ODAD2: variants seen among roughly 807,000 people sequenced by gnomAD.
ODAD2 encodes outer dynein arm docking complex subunit 2, also known as outer dynein arm-docking complex subunit 2.
In ODAD2, 89 loss-of-function variants were observed where a neutral mutation model predicts 106.8. That is an observed-to-expected ratio of 0.83 (90% CI 0.70 to 0.99). The LOEUF is 0.99. Ranked by LOEUF, ODAD2 falls within the 50% of genes least tolerant of loss-of-function variation. ODAD2 has a pLI of 0.00. For missense variants in ODAD2, 1,168 were observed against 1,238.5 expected (o/e 0.94, Z 0.85); for synonymous variants, 404 against 436.2 (o/e 0.93, Z 0.92).
At chr10:27,825,668 G>C (rs1464072083) in intron 19 of ODAD2, among the ~76,000 whole-genome samples, 1 of 152,218 alleles carries the variant, frequency 6.6e-6, no homozygotes, top group East Asian at 1.9e-4. Context: ...ATCTAGGTCA[G>C]CTCCACATAG....
chr10:27,815,937 A>AT (rs1374837955), intron 19 of ODAD2, among the ~76,000 whole-genome samples: 1 of 152,134 alleles, frequency 6.6e-6, no homozygotes, highest in Non-Finnish European at 1.5e-5. Context: ...TCCAAATGAA[A>AT]TTTTTTATTT....
intron 14 of ODAD2, among the ~76,000 whole-genome samples, chr10:27,937,814 A>G (rs1047171439): frequency 2.6e-5 from 4 of 152,178 alleles, no homozygotes; most frequent in Non-Finnish European, 5.9e-5. Context: ...CACCTTCTAA[A>G]AATTAATCCC....
chr10:27,980,375 C>T (rs1849468788), intron 7 of ODAD2, among the ~76,000 whole-genome samples: 2 of 152,018 alleles, frequency 1.3e-5, no homozygotes, highest in African/African-American at 4.8e-5. Context: ...CATCAAAGGA[C>T]ACTATCAAGA....
intron 19 of ODAD2, among the ~76,000 whole-genome samples, chr10:27,848,769 G>A (rs1050085368): frequency 6.6e-6 from 1 of 152,160 alleles, no homozygotes; most frequent in Non-Finnish European, 1.5e-5. Context: ...CTCAAAAGAA[G>A]ACATTTATGA....
intron 17 of ODAD2, among the ~76,000 whole-genome samples, chr10:27,871,483 T>C (rs1202289868): frequency 1.3e-5 from 2 of 152,158 alleles, no homozygotes; most frequent in Non-Finnish European, 2.9e-5. Context: ...GCTTGTATGG[T>C]TTTAGGTCTA....
At chr10:27,952,312 T>TA (rs945591687) in intron 10 of ODAD2, among the ~76,000 whole-genome samples, 1 of 151,494 alleles carries the variant, frequency 6.6e-6, no homozygotes, top group Admixed American at 6.6e-5. Flanking sequence ...TTGGCCAAAA[T>TA]AAAAAATAAC....
intron 16 of ODAD2, among the ~76,000 whole-genome samples, chr10:27,912,900 A>C (rs1183680463): frequency 6.6e-6 from 1 of 152,128 alleles, no homozygotes; most frequent in African/African-American, 2.4e-5. Context: ...AAAAATCCTT[A>C]AGGTTTTTAC....
chr10:27,977,366 C>T (rs1849256090), intron 7 of ODAD2, among the ~76,000 whole-genome samples: 1 of 150,632 alleles, frequency 6.6e-6, no homozygotes, highest in South Asian at 2.1e-4. Context: ...AGATTGAGAC[C>T]ATCCTGGCTA....
At chr10:27,930,606 G>A (rs1485963742) in intron 16 of ODAD2, among the ~76,000 whole-genome samples, 4 of 148,018 alleles carry the variant, frequency 2.7e-5, no homozygotes, top group African/African-American at 5.0e-5. Flanking sequence ...CAGCCTAGGC[G>A]ACAGAGCCAG....
intron 17 of ODAD2, among the ~76,000 whole-genome samples, chr10:27,869,304 C>T (rs900292932): frequency 2.0e-5 from 3 of 151,380 alleles, no homozygotes; most frequent in Admixed American, 2.0e-4. Context: ...TGTAAGAGTC[C>T]CCAAGAAAGA....
chr10:27,848,116 C>G (rs1838930964), intron 19 of ODAD2, among the ~76,000 whole-genome samples: 1 of 152,170 alleles, frequency 6.6e-6, no homozygotes, highest in Non-Finnish European at 1.5e-5. Context: ...ATTGCCATGA[C>G]AATCCTAAGC....
chr10:27,870,725 G>A (rs1036189369), intron 17 of ODAD2, among the ~76,000 whole-genome samples: 1 of 152,028 alleles, frequency 6.6e-6, no homozygotes, highest in Non-Finnish European at 1.5e-5. Context: ...TGATGTATAT[G>A]TGCCACATTT....
chr10:27,863,716 T>C (rs1840239338), intron 17 of ODAD2, among the ~76,000 whole-genome samples: 1 of 152,190 alleles, frequency 6.6e-6, no homozygotes, highest in Admixed American at 6.5e-5. Flanking sequence ...GTTCAAGGGC[T>C]GACTCCCCAA....
At chr10:27,891,637 A>G (rs1842571578) in intron 17 of ODAD2, among the ~76,000 whole-genome samples, 1 of 152,194 alleles carries the variant, frequency 6.6e-6, no homozygotes, top group African/African-American at 2.4e-5. Flanking sequence ...ATTACTTCTT[A>G]TGAAAATGCA....
At chr10:27,941,973 G>T (rs1384865577) in intron 12 of ODAD2, among the ~76,000 whole-genome samples, 1 of 152,156 alleles carries the variant, frequency 6.6e-6, no homozygotes, top group Non-Finnish European at 1.5e-5. Context: ...GACACTCCTG[G>T]TCTAATTAGT....
Position 27,944,971 on chromosome 10 carries a change from A to G in ODAD2, c.1387-9T>C, listed in dbSNP as rs746949257. 17 of 1,613,680 alleles carry G rather than the reference A, an allele frequency of 1.1e-5. No homozygotes were observed. The South Asian group carries it at 1.3e-4, about 13-fold the overall frequency. On this transcript the variant is annotated splice_polypyrimidine_tract_variant and intron_variant, in intron 10 of 19. Coordinates refer to ENST00000305242, the MANE Select transcript of ODAD2 (RefSeq NM_018076.5). The stretch of plus-strand genomic sequence containing the variant: ...GCTGTTTGATTTCCTCCCTACAAAG[A>G]TGCAATGCCAGAGAAAGGTTAAGGA...
chr10:27,902,818 C>T (rs908390143), intron 17 of ODAD2, among the ~76,000 whole-genome samples: 1 of 152,040 alleles, frequency 6.6e-6, no homozygotes, highest in African/African-American at 2.4e-5. Context: ...AGCCCACCAA[C>T]CAAAAAAAGC....
chr10:27,849,223 C>T (rs11006742), intron 19 of ODAD2, among the ~76,000 whole-genome samples: 90,401 of 151,862 alleles, frequency 0.6, 27,256 homozygotes, highest in Middle Eastern at 0.7. Flanking sequence ...TATGCAGCCA[C>T]GAAAAAGGAT....
intron 2 of ODAD2, among the ~76,000 whole-genome samples, chr10:27,989,260 C>T (rs1850073710): frequency 6.6e-6 from 1 of 152,132 alleles, no homozygotes; most frequent in African/African-American, 2.4e-5. Flanking sequence ...CTTTATGAGT[C>T]CGATTCTGCT....
Sources: allele counts gnomAD v4.1 joint callset (sites outside exome capture counted in the v4.1 genomes callset), GRCh38; gene constraint gnomAD v4.1.1; transcripts MANE v1.5; gene names NCBI Gene and HGNC (gene_info 2026-07-23, HGNC 2026-07-21).